Variants in TMCC1 observed in about 807,000 individuals in gnomAD.
TMCC1 encodes transmembrane and coiled-coil domains protein 1.
Under a neutral mutation model 52.4 loss-of-function variants are expected in TMCC1, and 15 were observed. The ratio of observed to expected loss-of-function variants is 0.29; its 90% confidence interval spans 0.19 to 0.44. The LOEUF is 0.44. TMCC1 is among the 20% of genes least tolerant of loss of function. The probability of loss-of-function intolerance (pLI) is 1.00; values close to 1 mark genes in which losing one functional copy is unlikely to be tolerated. For synonymous variants in TMCC1, 279 were observed against 301.9 expected (o/e 0.92, Z 0.79); for missense variants, 503 against 806.0 (o/e 0.62, Z 4.55).
intron 4 of TMCC1, among the ~76,000 whole-genome samples, chr3:129,805,028 G>T (rs1030985465): frequency 1.3e-5 from 2 of 152,090 alleles, no homozygotes; most frequent in East Asian, 1.9e-4. Context: ...AATTTCACAT[G>T]GTTCAAAGTA....
At chr3:129,837,836 G>C (rs2059234825) in intron 2 of TMCC1, among the ~76,000 whole-genome samples, 1 of 152,092 alleles carries the variant, frequency 6.6e-6, no homozygotes, top group Non-Finnish European at 1.5e-5. Context: ...AAATCAAGTG[G>C]AAACCAAATT....
At chr3:129,841,763 G>T (rs1313103121) in intron 2 of TMCC1, among the ~76,000 whole-genome samples, 2 of 152,200 alleles carry the variant, frequency 1.3e-5, no homozygotes, top group African/African-American at 4.8e-5. Context: ...TCAAGCTGCT[G>T]TTCTTGTGAT....
At chr3:129,661,875 G>A (rs1019626107) in intron 5 of TMCC1, among the ~76,000 whole-genome samples, 2 of 152,112 alleles carry the variant, frequency 1.3e-5, no homozygotes, top group Admixed American at 6.5e-5. Flanking sequence ...CTGTATTCTA[G>A]TTCCCACTGA....
intron 4 of TMCC1, among the ~76,000 whole-genome samples, chr3:129,741,741 T>C (rs1263659832): frequency 2.0e-5 from 3 of 152,148 alleles, no homozygotes; most frequent in African/African-American, 4.8e-5. Context: ...CACACACTTA[T>C]TATAATCACT....
At chr3:129,837,370 C>T (rs1423858977) in intron 2 of TMCC1, among the ~76,000 whole-genome samples, 1 of 152,022 alleles carries the variant, frequency 6.6e-6, no homozygotes, top group Non-Finnish European at 1.5e-5. Flanking sequence ...AGGGAAAACC[C>T]AAAGCCAAGC....
chr3:129,884,482 G>T (rs1180453170), intron 1 of TMCC1, among the ~76,000 whole-genome samples: 1 of 151,898 alleles, frequency 6.6e-6, no homozygotes. Flanking sequence ...AATAAAAAAA[G>T]AATTTATACA....
chr3:129,885,387 A>G (rs1036703597), intron 1 of TMCC1, among the ~76,000 whole-genome samples: 3 of 152,018 alleles, frequency 2.0e-5, no homozygotes, highest in Admixed American at 6.6e-5. Flanking sequence ...CAGGAGTTCA[A>G]GACCGGCCTG....
At chr3:129,701,948 C>T (rs911146609) in intron 4 of TMCC1, among the ~76,000 whole-genome samples, 21 of 151,952 alleles carry the variant, frequency 1.4e-4, no homozygotes, top group African/African-American at 4.1e-4. Context: ...AAATGATTCA[C>T]CTGATTCTTG....
chr3:129,730,893 T>C (rs1341190240), intron 4 of TMCC1, among the ~76,000 whole-genome samples: 1 of 152,212 alleles, frequency 6.6e-6, no homozygotes, highest in Non-Finnish European at 1.5e-5. Context: ...ATTAAACATA[T>C]TCTGAAAAAG....
intron 2 of TMCC1, among the ~76,000 whole-genome samples, chr3:129,852,194 T>C (rs961587576): frequency 2.6e-5 from 4 of 151,742 alleles, no homozygotes; most frequent in African/African-American, 9.7e-5. Flanking sequence ...CAGTGGCTCA[T>C]GCCTGTAACC....
chr3:129,769,745 T>A (rs2054402970), intron 4 of TMCC1, among the ~76,000 whole-genome samples: 1 of 152,268 alleles, frequency 6.6e-6, no homozygotes, highest in South Asian at 2.1e-4. Flanking sequence ...AAAACTTGTA[T>A]GTTTTACATT....
chr3:129,711,213 C>A (rs1193291387), intron 4 of TMCC1, among the ~76,000 whole-genome samples: 1 of 152,200 alleles, frequency 6.6e-6, no homozygotes, highest in Non-Finnish European at 1.5e-5. Context: ...GACTGATGCA[C>A]TCCAGAATCA....
intron 5 of TMCC1, among the ~76,000 whole-genome samples, chr3:129,659,227 G>C (rs2086867742): frequency 6.6e-6 from 1 of 151,074 alleles, no homozygotes; most frequent in African/African-American, 2.4e-5. Context: ...AGCCTTCTGA[G>C]TAGCTGGGAC....
At chr3:129,793,865 A>G (rs186495599) in intron 4 of TMCC1, among the ~76,000 whole-genome samples, 4 of 152,304 alleles carry the variant, frequency 2.6e-5, no homozygotes, top group Admixed American at 2.6e-4. Flanking sequence ...ACTCATTTTA[A>G]CATTTTAATG....
intron 4 of TMCC1, among the ~76,000 whole-genome samples, chr3:129,679,502 C>T (rs922780326): frequency 3.9e-5 from 6 of 152,044 alleles, no homozygotes; most frequent in African/African-American, 1.2e-4. Context: ...GATGGGGTTT[C>T]CCCATATTGG....
chr3:129,799,435 G>A (rs2057045925), intron 4 of TMCC1, among the ~76,000 whole-genome samples: 1 of 152,114 alleles, frequency 6.6e-6, no homozygotes, highest in Admixed American at 6.5e-5. Flanking sequence ...TTTCAGAGAT[G>A]GCATTTCCAT....
chr3:129,670,916 C>T lies in TMCC1; in HGVS notation c.925G>A (p.Val309Ile). The change falls in exon 5 of 7, where the codon GTA (valine) becomes ATA (isoleucine). Residue 309 changes from valine to isoleucine, a missense_variant. Coordinates refer to ENST00000393238, the MANE Select transcript of TMCC1 (RefSeq NM_001017395.5). ...LEHYHRKLRE[V>I]EQNGIPRQPK... Reference sequence around the variant, plus strand: ...TGCCGGGGGATCCCATTCTGCTCTACCTCTCTGAGCTTCCTGTGGTAGTGC... The same window carrying T: ...TGCCGGGGGATCCCATTCTGCTCTATCTCTCTGAGCTTCCTGTGGTAGTGC... The T allele has an allele frequency of 6.2e-7, 1 of 1,614,194 alleles. No individual in the cohort carries two copies. The highest frequency in any genetic ancestry group is 8.5e-7 in the Non-Finnish European group (1 of 1,180,042).
chr3:129,780,740 A>T (rs2055454463), intron 4 of TMCC1, among the ~76,000 whole-genome samples: 1 of 151,998 alleles, frequency 6.6e-6, no homozygotes, highest in Non-Finnish European at 1.5e-5. Flanking sequence ...AAATTCTATT[A>T]ATCCTTCCTT....
chr3:129,695,449 A>C (rs1367592522), intron 4 of TMCC1, among the ~76,000 whole-genome samples: 1 of 152,214 alleles, frequency 6.6e-6, no homozygotes, highest in Non-Finnish European at 1.5e-5. Context: ...AAAGAGGTTT[A>C]ACTGACTCAC....
Sources: allele counts gnomAD v4.1 joint callset (sites outside exome capture counted in the v4.1 genomes callset), GRCh38; gene constraint gnomAD v4.1.1; transcripts MANE v1.5; gene names NCBI Gene and HGNC (gene_info 2026-07-23, HGNC 2026-07-21).